ST6GALNAC1: variants seen among roughly 807,000 people sequenced by gnomAD.
ST6GALNAC1 encodes ST6 N-acetylgalactosaminide alpha-2,6-sialyltransferase 1.
A neutral mutation model predicts 56.8 loss-of-function variants in ST6GALNAC1; 45 were observed. The ratio of observed to expected loss-of-function variants is 0.79; its 90% confidence interval spans 0.62 to 1.02. ST6GALNAC1 has a LOEUF of 1.02. Ranked by LOEUF, ST6GALNAC1 falls within the 50% of genes least tolerant of loss-of-function variation. The pLI is 0.00. For synonymous variants in ST6GALNAC1, 295 were observed against 297.8 expected (o/e 0.99, Z 0.10); for missense variants, 743 against 754.8 (o/e 0.98, Z 0.18).
At chr17:76,621,684 A>G (rs2075742586), downstream of ST6GALNAC1, among the ~76,000 whole-genome samples, 1 of 152,060 alleles carries the variant, frequency 6.6e-6, no homozygotes, top group Non-Finnish European at 1.5e-5. Flanking sequence ...TCATTTGGCC[A>G]GGCTAGTCTC....
At chr17:76,622,184 A>G (rs983704941), downstream of ST6GALNAC1, among the ~76,000 whole-genome samples, 7 of 148,044 alleles carry the variant, frequency 4.7e-5, no homozygotes, top group Non-Finnish European at 1.0e-4. Flanking sequence ...GTTGCTGTTC[A>G]TATATATATA....
intron 1 of ST6GALNAC1, among the ~76,000 whole-genome samples, chr17:76,632,212 C>T (rs73352089): frequency 0.079 from 12,062 of 152,242 alleles, 580 homozygotes; most frequent in African/African-American, 0.11. Flanking sequence ...TTCCAAACTC[C>T]GGCAGCCCTC....
At chr17:76,621,304 T>C (rs1279360286), downstream of ST6GALNAC1, among the ~76,000 whole-genome samples, 3 of 148,354 alleles carry the variant, frequency 2.0e-5, no homozygotes, top group East Asian at 6.2e-4. Flanking sequence ...TGCCTCAGCC[T>C]CCCGAGTAGC....
intron 5 of ST6GALNAC1, 28 bp downstream of exon 5, chr17:76,626,623 G>A: frequency 6.2e-7 from 1 of 1,613,770 alleles, no homozygotes; most frequent in Non-Finnish European, 8.5e-7. Context: ...GAGTCTGGGT[G>A]TGGCCAGGCT....
the ST6GALNAC1 span, among the ~76,000 whole-genome samples, chr17:76,618,542 T>C: frequency 4.7e-3 from 708 of 152,002 alleles, 10 homozygotes; most frequent in African/African-American, 0.016. Flanking sequence ...CTTTGGGAGG[T>C]TGAGATGGGT....
At position 76,626,311 on chromosome 17, in the gene ST6GALNAC1, A is replaced by C. The variant is rs745590949; in HGVS notation, c.1393T>G (p.Ser465Ala). 4 of 1,614,158 alleles carry C rather than the reference A, an allele frequency of 2.5e-6. No homozygotes were observed. Among genetic ancestry groups the C allele is most frequent in the Non-Finnish European group, 3.4e-6 (4 of 1,180,016 alleles). Reference sequence around the variant, plus strand: ...TACCTGAACCAGAAAAGGTTTTTTGACATCACCGTCTGATTCATAAGCAGT... The same window carrying C: ...TACCTGAACCAGAAAAGGTTTTTTGCCATCACCGTCTGATTCATAAGCAGT... ...EALLMNQTVM[S>A]KNLFWFRHRP... The change falls in exon 6 of 9, where the codon TCA becomes GCA. Residue 465 changes from serine to alanine, a missense_variant. Coordinates refer to ENST00000156626, the MANE Select transcript of ST6GALNAC1 (RefSeq NM_018414.5).
chr17:76,627,280 G>A lies in ST6GALNAC1; in HGVS notation c.1001-42C>T. ...GGTGCTCCATTCAGAGCCCTGGGAG[G>A]GACAGGAGTCCGACCCATCATTCCT... On this transcript the variant is annotated intron_variant, in intron 3 of 8. Coordinates refer to ENST00000156626, the MANE Select transcript of ST6GALNAC1 (RefSeq NM_018414.5). The surrounding 1 kb of genome is among the most constrained non-coding windows in gnomAD (Gnocchi z 4.4). 2.6e-6 allele frequency: 4 copies of A among 1,551,780 alleles called. No individual in the cohort carries two copies. The highest frequency in any genetic ancestry group is 2.7e-5 in the African/African-American group (2 of 73,326).
rs1177887058 is a variant in ST6GALNAC1 at position 76,642,132 on chromosome 17, A to G, written c.131+1376T>C. On this transcript the variant is annotated intron_variant, in intron 1 of 8. Coordinates refer to ENST00000156626, the MANE Select transcript of ST6GALNAC1 (RefSeq NM_018414.5). ...TATATTGTATATATATCTCCATACT[A>G]TATATAGATATCTATATCTCCATCT... Among the ~76,000 whole-genome samples, 9 of 151,814 alleles carry G rather than the reference A, an allele frequency of 5.9e-5. No individual in the cohort carries two copies. The South Asian group carries it at 1.0e-3, about 17-fold the overall frequency.
In ST6GALNAC1 at chr17:76,643,503, C is replaced by G; in HGVS notation, c.131+5G>C. 6.2e-7 allele frequency: 1 copy of G among 1,613,754 alleles called. No homozygotes were observed. Among genetic ancestry groups the G allele is most frequent in the Non-Finnish European group, 8.5e-7 (1 of 1,179,814 alleles). ...TATGAGGAGTGGAAAGGACAAGAATCTTACCTGGAAGGCTTTGTTTGAGGC... is the reference window on the plus strand; with the variant it reads ...TATGAGGAGTGGAAAGGACAAGAATGTTACCTGGAAGGCTTTGTTTGAGGC... On this transcript the variant is annotated splice_donor_5th_base_variant and intron_variant, in intron 1 of 8. Coordinates refer to ENST00000156626, the MANE Select transcript of ST6GALNAC1 (RefSeq NM_018414.5).
In ST6GALNAC1 at chr17:76,638,325, G is replaced by A. The variant is rs796472672; in HGVS notation, c.131+5183C>T. 5.9e-5 allele frequency among the ~76,000 whole-genome samples: 9 copies of A among 152,146 alleles called. 1 individual carries two copies. Among genetic ancestry groups the A allele is most frequent in the African/African-American group, 1.9e-4 (8 of 41,522 alleles). On this transcript the variant is annotated intron_variant, in intron 1 of 8. Transcript: ENST00000156626. ...CTGAACAAATGATGCACGTGGGTGCGTCTTAAGATGATATGAGAGATGGCC... is the reference window on the plus strand; with the variant it reads ...CTGAACAAATGATGCACGTGGGTGCATCTTAAGATGATATGAGAGATGGCC...
At chr17:76,618,674 G>A in the ST6GALNAC1 span, among the ~76,000 whole-genome samples, 1 of 151,776 alleles carries the variant, frequency 6.6e-6, no homozygotes, top group Non-Finnish European at 1.5e-5. Flanking sequence ...CCAGCTACTC[G>A]GGAGGCTGAG....
rs1315993760 is a variant in ST6GALNAC1, at chr17:76,629,330, G to C, written c.513C>G (p.Thr171=). Residue 171 remains threonine (T), a synonymous_variant, in exon 2 of 9, where the codon ACC becomes ACG. Transcript: ENST00000156626. ...CCGTCCTGGAGGCCGTCAGCTTCCT[G>C]GTCTGGCCCCCATTTCCTTGGGTCG... is the stretch of plus-strand genomic sequence containing the variant. ...TKTTQGNGGQ[T]RKLTASRTVS... 2.5e-6 allele frequency: 4 copies of C among 1,614,046 alleles called. No homozygotes were observed. In the Admixed American group the frequency reaches 6.7e-5, roughly 27 times the overall value.
At chr17:76,626,939 G>T in intron 4 of ST6GALNAC1, 128 bp downstream of exon 4, 1 of 1,457,420 alleles carries the variant, frequency 6.9e-7, no homozygotes, top group South Asian at 1.3e-5. Flanking sequence ...CCAGATGCAG[G>T]CGTGGAACAT....
At chr17:76,638,926 A>G (rs529776488) in intron 1 of ST6GALNAC1, among the ~76,000 whole-genome samples, 10 of 152,090 alleles carry the variant, frequency 6.6e-5, no homozygotes, top group African/African-American at 2.4e-4. Context: ...CCACCATCCT[A>G]TTTGTTGCCA....
chr17:76,627,609 A>C lies in ST6GALNAC1; in HGVS notation c.832-26T>G. The C allele has an allele frequency of 6.2e-7, 1 of 1,609,806 alleles. No homozygotes were observed. The highest frequency in any genetic ancestry group is 1.3e-5 in the African/African-American group (1 of 74,886). On this transcript the variant is annotated intron_variant, in intron 2 of 8. Transcript: ENST00000156626. The surrounding 1 kb of genome is among the most constrained non-coding windows in gnomAD (Gnocchi z 4.4). ...CTATATACAGGAGGACGAAGTCAGG[A>C]AGGGAGAGACCCAGAAAGGCCATCG...
chr17:76,618,321 A>G, the ST6GALNAC1 span, among the ~76,000 whole-genome samples: 1 of 152,128 alleles, frequency 6.6e-6, no homozygotes, highest in East Asian at 1.9e-4. Flanking sequence ...CTGGCATGAC[A>G]TGAATTTGCC....
intron 1 of ST6GALNAC1, among the ~76,000 whole-genome samples, chr17:76,638,829 C>T (rs1032850042): frequency 6.6e-6 from 1 of 152,154 alleles, no homozygotes. Flanking sequence ...GATCTGCCCA[C>T]CTCGGTCTCC....
Position 76,627,149 on chromosome 17 carries a change from T to C in ST6GALNAC1, c.1090A>G (p.Thr364Ala). ...SLPAGSLRCI[T>A]CAVVGNGGIL... ...CCCCCGTTGCCCACCACGGCACAGG[T>C]GATGCACCGGAGGCTCCCAGCGGGG... The change falls in exon 4 of 9, where the codon ACC becomes GCC. Residue 364 changes from threonine (T) to alanine (A), a missense_variant. Coordinates refer to ENST00000156626, the MANE Select transcript of ST6GALNAC1 (RefSeq NM_018414.5). This position sits in a 1 kb window ranked among gnomAD's most constrained non-coding sequence, Gnocchi z 4.4. 1.2e-6 allele frequency: 2 copies of C among 1,605,802 alleles called. No homozygotes were observed. Among genetic ancestry groups the C allele is most frequent in the Non-Finnish European group, 1.7e-6 (2 of 1,175,552 alleles).
Position 76,627,174 on chromosome 17 carries a change from G to A in ST6GALNAC1, c.1065C>T (p.Leu355=). Residue 355 remains leucine, a synonymous_variant, in exon 4 of 9, where the codon CTC becomes CTT. Coordinates refer to ENST00000156626, the MANE Select transcript of ST6GALNAC1 (RefSeq NM_018414.5). This position sits in a 1 kb window ranked among gnomAD's most constrained non-coding sequence, Gnocchi z 4.4. ...TGATGCACCGGAGGCTCCCAGCGGG[G>A]AGGCTGGCCAGGAGCAGCTGCTGCT... The part of the protein sequence containing the change: ...VPQQQLLLAS[L]PAGSLRCITC... The A allele has an allele frequency of 6.2e-7, 1 of 1,603,636 alleles. No individual in the cohort carries two copies. Among genetic ancestry groups the A allele is most frequent in the Non-Finnish European group, 8.5e-7 (1 of 1,174,480 alleles).
Sources: gnomAD v4.1 joint callset for allele counts (sites outside exome capture counted in the v4.1 genomes callset) on GRCh38, gnomAD v4.1.1 for gene constraint, Gnocchi (gnomAD v3.1) non-coding constraint, MANE v1.5 for transcripts, NCBI Gene and HGNC (gene_info 2026-07-23, HGNC 2026-07-21) for gene names.